Variants in AFAP1 observed in about 807,000 individuals in gnomAD.
AFAP1 encodes the protein actin filament-associated protein 1.
In AFAP1, 75 loss-of-function variants were observed where a neutral mutation model predicts 93.9. The observed-to-expected ratio is 0.80, with a 90% CI of 0.66 to 0.97. AFAP1 has a LOEUF of 0.97. Among genes scored for constraint, AFAP1 ranks in the 50% least tolerant of loss-of-function variants. The probability of loss-of-function intolerance (pLI) is 0.00; values close to 1 mark genes in which losing one functional copy is unlikely to be tolerated. For missense variants in AFAP1, 1,201 were observed against 1,050.8 expected (o/e 1.14, Z -1.98); for synonymous variants, 517 against 430.7 (o/e 1.20, Z -2.48).
At chr4:7,781,280 C>T (rs1053647279) in intron 13 of AFAP1, 96 bp downstream of exon 13, 13 of 1,421,038 alleles carry the variant, frequency 9.1e-6, no homozygotes, top group Non-Finnish European at 1.2e-5. Flanking sequence ...TTATGCTTTG[C>T]CTTTGATGAG....
intron 11 of AFAP1, among the ~76,000 whole-genome samples, chr4:7,793,159 AGCAT>A (rs35465102): frequency 0.11 from 14,104 of 134,086 alleles, 709 homozygotes; most frequent in African/African-American, 0.14. Flanking sequence ...AGATGACTGC[AGCAT>A]TTTTTTTTTT....
At chr4:7,781,738 C>T in intron 12 of AFAP1, 111 bp from the exon 13 acceptor site, 1 of 1,363,286 alleles carries the variant, frequency 7.3e-7, no homozygotes, top group East Asian at 2.5e-5. Context: ...CATTGGCACC[C>T]CAACACTCTC....
At chr4:7,810,934 C>A (rs149765581) in intron 8 of AFAP1, among the ~76,000 whole-genome samples, 3 of 152,196 alleles carry the variant, frequency 2.0e-5, no homozygotes, top group African/African-American at 7.2e-5. Flanking sequence ...GGGCTCTGTC[C>A]GTGACCTCCG....
Position 7,936,462 on chromosome 4 carries a change from T to A in AFAP1, c.-3+3194A>T, listed in dbSNP as rs1043221386. Among the ~76,000 whole-genome samples the A allele has an allele frequency of 2.0e-5, 3 of 151,982 alleles. No individual in the cohort carries two copies. The South Asian group carries it at 6.2e-4, about 31-fold the overall frequency. On this transcript the variant is annotated intron_variant, in intron 1 of 17. Coordinates refer to ENST00000420658, the MANE Select transcript of AFAP1 (RefSeq NM_001134647.2). ...ACCTCAGTCTCCCAAAGTGCTGGCA[T>A]TACAGGTGTAAACCACAGCACCTGG...
intron 1 of AFAP1, among the ~76,000 whole-genome samples, chr4:7,883,179 C>G (rs1283608607): frequency 9.5e-6 from 1 of 105,764 alleles, no homozygotes; most frequent in Non-Finnish European, 1.8e-5. Context: ...GAGTGAAACC[C>G]TATCTCAAAA....
chr4:7,839,532 C>T (rs757353596), intron 5 of AFAP1, among the ~76,000 whole-genome samples: 1 of 152,030 alleles, frequency 6.6e-6, no homozygotes, highest in Non-Finnish European at 1.5e-5. Context: ...ATCTAATAAC[C>T]TATATTGCTT....
chr4:7,783,963 C>G (rs757271420), intron 12 of AFAP1, among the ~76,000 whole-genome samples: 1 of 152,184 alleles, frequency 6.6e-6, no homozygotes, highest in Non-Finnish European at 1.5e-5. Flanking sequence ...AGTGGTAAGA[C>G]TGTGCTGTCA....
chr4:7,928,227 A>T (rs1720875613), intron 1 of AFAP1, among the ~76,000 whole-genome samples: 2 of 152,126 alleles, frequency 1.3e-5, no homozygotes, highest in South Asian at 2.1e-4. Context: ...ACACAACTCA[A>T]TGAGGCCTGG....
At chr4:7,887,634 T>C (rs1326234127) in intron 1 of AFAP1, among the ~76,000 whole-genome samples, 3 of 152,192 alleles carry the variant, frequency 2.0e-5, no homozygotes, top group Non-Finnish European at 4.4e-5. Context: ...ATATTACTAT[T>C]TTAAGGATCA....
intron 16 of AFAP1, among the ~76,000 whole-genome samples, chr4:7,769,733 T>A (rs1327342810): frequency 6.6e-6 from 1 of 152,152 alleles, no homozygotes; most frequent in African/African-American, 2.4e-5. Context: ...TGCCAAAATG[T>A]GTTTGTTATG....
chr4:7,813,759 A>C (rs1351657931), intron 8 of AFAP1, among the ~76,000 whole-genome samples: 3 of 152,244 alleles, frequency 2.0e-5, no homozygotes, highest in African/African-American at 7.2e-5. Context: ...CAGACTTAGA[A>C]AACCACATAT....
intron 9 of AFAP1, among the ~76,000 whole-genome samples, chr4:7,806,812 T>G (rs1406352313): frequency 6.6e-6 from 1 of 152,228 alleles, no homozygotes; most frequent in Non-Finnish European, 1.5e-5. Flanking sequence ...GGAATCCATG[T>G]GTCTAATTAG....
At chr4:7,885,679 T>C (rs942553369) in intron 1 of AFAP1, among the ~76,000 whole-genome samples, 3 of 152,226 alleles carry the variant, frequency 2.0e-5, no homozygotes, top group Non-Finnish European at 2.9e-5. Context: ...TTCTCCATAA[T>C]AGACAACATT....
chr4:7,877,471 C>A (rs1173453500), intron 1 of AFAP1, among the ~76,000 whole-genome samples: 5 of 152,164 alleles, frequency 3.3e-5, no homozygotes, highest in African/African-American at 1.2e-4. Flanking sequence ...CTGTTCTAAG[C>A]CTGTTACATA....
At chr4:7,805,575 T>G (rs1253998309) in intron 9 of AFAP1, among the ~76,000 whole-genome samples, 3 of 152,232 alleles carry the variant, frequency 2.0e-5, no homozygotes, top group Non-Finnish European at 4.4e-5. Flanking sequence ...TTCATGTATT[T>G]TATCCTCAGT....
At chr4:7,930,791 C>T (rs754891047) in intron 1 of AFAP1, among the ~76,000 whole-genome samples, 5 of 152,172 alleles carry the variant, frequency 3.3e-5, no homozygotes, top group African/African-American at 4.8e-5. Context: ...ACCTCTGTTG[C>T]CCAGGCTGGA....
chr4:7,778,357 C>T (rs944270935), intron 14 of AFAP1: 3 of 279,636 alleles, frequency 1.1e-5, no homozygotes, highest in Non-Finnish European at 2.1e-5. Context: ...GCACCAACCA[C>T]GGGAGCCACG....
At chr4:7,849,721 ACT>A (rs1457647260) in intron 4 of AFAP1, among the ~76,000 whole-genome samples, 1 of 152,116 alleles carries the variant, frequency 6.6e-6, no homozygotes, top group East Asian at 1.9e-4. Context: ...GCCCCACACA[ACT>A]CTGTGGAAGG....
intron 5 of AFAP1, among the ~76,000 whole-genome samples, 183 bp from the exon 6 acceptor site, chr4:7,838,886 C>T (rs989630731): frequency 5.9e-5 from 9 of 151,992 alleles, no homozygotes; most frequent in Admixed American, 2.6e-4. Flanking sequence ...ACAGACACTT[C>T]GCCTCCAAGT....
Sources: allele counts gnomAD v4.1 joint callset (sites outside exome capture counted in the v4.1 genomes callset), GRCh38; gene constraint gnomAD v4.1.1; transcripts MANE v1.5; gene names NCBI Gene and HGNC (gene_info 2026-07-23, HGNC 2026-07-21).